Variants in ZNF33B observed in about 807,000 individuals in gnomAD.
ZNF33B encodes the protein zinc finger protein 33B, also known as zinc finger protein 11b (KOX 2).
A neutral mutation model predicts 45.8 loss-of-function variants in ZNF33B; 29 were observed. The observed-to-expected ratio is 0.63, with a 90% CI of 0.47 to 0.86. The LOEUF (loss-of-function observed/expected upper bound fraction) is 0.86, where lower values mean the gene tolerates loss of function less well. ZNF33B is among the 40% of genes least tolerant of loss of function. The pLI, the probability that ZNF33B is intolerant of heterozygous loss-of-function variation, is 0.00. For synonymous variants in ZNF33B, 305 were observed against 307.8 expected (o/e 0.99, Z 0.10); for missense variants, 831 against 909.9 (o/e 0.91, Z 1.12).
At chr10:42,638,312 C>G (rs1005598039) in intron 1 of ZNF33B, among the ~76,000 whole-genome samples, 162 bp downstream of exon 1, 14 of 152,276 alleles carry the variant, frequency 9.2e-5, no homozygotes, top group Non-Finnish European at 1.6e-4. Flanking sequence ...CTTAGAGGAA[C>G]TGGCGTAGCG....
chr10:42,631,198 T>A (rs986804883), intron 4 of ZNF33B, among the ~76,000 whole-genome samples: 8 of 152,154 alleles, frequency 5.3e-5, no homozygotes, highest in East Asian at 1.9e-4. Flanking sequence ...ATTTTGTTTT[T>A]TTTTTATATT....
chr10:42,617,724 C>T (rs1439656093), intron 4 of ZNF33B, among the ~76,000 whole-genome samples: 3 of 152,172 alleles, frequency 2.0e-5, no homozygotes, highest in Non-Finnish European at 2.9e-5. Flanking sequence ...GCCTTCCTAA[C>T]GCTGGCAACC....
chr10:42,601,128 G>A (rs1053937182), intron 4 of ZNF33B, among the ~76,000 whole-genome samples: 2 of 152,032 alleles, frequency 1.3e-5, no homozygotes, highest in African/African-American at 4.8e-5. Context: ...TATTTTCTCT[G>A]TTGCCTCATT....
At chr10:42,603,661 T>A (rs1439775822) in intron 4 of ZNF33B, among the ~76,000 whole-genome samples, 1 of 152,080 alleles carries the variant, frequency 6.6e-6, no homozygotes, top group African/African-American at 2.4e-5. Flanking sequence ...AAGAGCAAAC[T>A]AAGAGCAACA....
downstream of ZNF33B, among the ~76,000 whole-genome samples, chr10:42,588,776 A>T (rs1836988294): frequency 6.6e-6 from 1 of 152,134 alleles, no homozygotes; most frequent in African/African-American, 2.4e-5. Context: ...TAATTCCAAG[A>T]GCTGGTAGGG....
chr10:42,596,687 A>C (rs1409193902), intron 4 of ZNF33B, among the ~76,000 whole-genome samples: 1 of 152,130 alleles, frequency 6.6e-6, no homozygotes, highest in African/African-American at 2.4e-5. Flanking sequence ...CTGTAAAAAA[A>C]AATTTTTGAT....
chr10:42,590,015 T>A lies in ZNF33B; in HGVS notation c.*2598A>T, dbSNP rs903452987. 3 of 152,228 alleles carry A rather than the reference T, an allele frequency of 2.0e-5. No homozygotes were observed. The highest frequency in any genetic ancestry group is 2.9e-5 in the Non-Finnish European group (2 of 68,040). 9.4% of individuals were successfully genotyped at this position (152,228 alleles called of 1,614,324 possible). A position where few individuals can be genotyped will look rare whatever the true frequency, so the allele number is the denominator to read the frequency against. ...GTTTTATCATGAATGGATATTGGAT[T>A]TTGTCAAATGCTTTTTCTGTACCTA... is the stretch of plus-strand genomic sequence containing the variant. On this transcript the variant is annotated 3_prime_UTR_variant, in exon 5 of 5. Coordinates refer to ENST00000359467, the MANE Select transcript of ZNF33B (RefSeq NM_006955.3).
intron 4 of ZNF33B, among the ~76,000 whole-genome samples, chr10:42,630,368 C>T (rs1208359602): frequency 2.0e-5 from 3 of 152,144 alleles, no homozygotes. Context: ...TGTGTTGTTT[C>T]TCTCTGGCTA....
chr10:42,605,560 G>A (rs1422099939), intron 4 of ZNF33B, among the ~76,000 whole-genome samples: 1 of 152,044 alleles, frequency 6.6e-6, no homozygotes, highest in East Asian at 1.9e-4. Context: ...AAAAACTTGA[G>A]AATCCATTGC....
At position 42,602,886 on chromosome 10, in the gene ZNF33B, T is replaced by C. The variant is rs34175903; in HGVS notation, c.251-8187A>G. On this transcript the variant is annotated intron_variant, in intron 4 of 4. Transcript: ENST00000359467. ...TGATTAGTACTTTGCTGAACATTCATGGAGGCCCCTTTACAGATCTCCAGG... is the reference window on the plus strand; with the variant it reads ...TGATTAGTACTTTGCTGAACATTCACGGAGGCCCCTTTACAGATCTCCAGG... Among the ~76,000 whole-genome samples the C allele has an allele frequency of 1.3e-3, 203 of 152,162 alleles. 1 individual carries two copies. Among genetic ancestry groups the C allele is most frequent in the Non-Finnish European group, 2.3e-3 (157 of 68,016 alleles).
intron 4 of ZNF33B, among the ~76,000 whole-genome samples, chr10:42,621,887 A>G (rs1230316713): frequency 6.6e-6 from 1 of 152,234 alleles, no homozygotes; most frequent in Non-Finnish European, 1.5e-5. Context: ...ATTGCAAAGG[A>G]AGACATAAAA....
At chr10:42,608,792 G>A (rs1316281124) in intron 4 of ZNF33B, among the ~76,000 whole-genome samples, 27 of 151,242 alleles carry the variant, frequency 1.8e-4, no homozygotes, top group South Asian at 8.3e-4. Context: ...AGATTATAGA[G>A]TAAAAATTAG....
chr10:42,625,038 T>TTATATATATATATATATATATATATATA, intron 4 of ZNF33B, among the ~76,000 whole-genome samples: 1 of 145,520 alleles, frequency 6.9e-6, no homozygotes, highest in Admixed American at 6.9e-5. Context: ...GTTTCATATT[T>TTATATATATATATATATATATATATATA]TATATATATA....
chr10:42,616,629 A>G (rs1277218706), intron 4 of ZNF33B, among the ~76,000 whole-genome samples: 1 of 152,202 alleles, frequency 6.6e-6, no homozygotes, highest in African/African-American at 2.4e-5. Flanking sequence ...CAAGAGATCC[A>G]GCATCTCTCA....
chr10:42,586,511 C>T (rs563233843), downstream of ZNF33B, among the ~76,000 whole-genome samples: 40 of 152,218 alleles, frequency 2.6e-4, no homozygotes, highest in Middle Eastern at 3.2e-3. Context: ...GTGGCACCAC[C>T]GTAGCTCACT....
At chr10:42,586,677 C>G (rs1836942984), downstream of ZNF33B, among the ~76,000 whole-genome samples, 1 of 152,248 alleles carries the variant, frequency 6.6e-6, no homozygotes, top group South Asian at 2.1e-4. Context: ...TGAAAATAAT[C>G]TGACAAATGT....
chr10:42,607,640 A>C (rs1425896134), intron 4 of ZNF33B, among the ~76,000 whole-genome samples: 2 of 152,206 alleles, frequency 1.3e-5, no homozygotes, highest in African/African-American at 4.8e-5. Flanking sequence ...ATCCAACTAC[A>C]GATGCTCCTT....
Position 42,591,199 on chromosome 10 carries a change from A to G in ZNF33B, c.*1414T>C. The stretch of plus-strand genomic sequence containing the variant: ...TCTGGGTACAATGAGCAATGAAATG[A>G]CAGTCCAACAGCCCTGGGCAGCAAC... On this transcript the variant is annotated 3_prime_UTR_variant, in exon 5 of 5. Transcript: ENST00000359467. 1 of 765,684 alleles carries G rather than the reference A, an allele frequency of 1.3e-6. No individual in the cohort carries two copies. The highest frequency in any genetic ancestry group is 1.9e-5 in the African/African-American group (1 of 52,484). The allele number at this position is 765,684 out of a possible 1,614,324, so 47.4% of individuals were successfully genotyped here.
chr10:42,602,226 C>T (rs1295935899), intron 4 of ZNF33B, among the ~76,000 whole-genome samples: 4 of 151,852 alleles, frequency 2.6e-5, no homozygotes, highest in Admixed American at 2.0e-4. Context: ...CAATGACTGG[C>T]CATGTATTTT....
Sources: gnomAD v4.1 joint callset for allele counts (sites outside exome capture counted in the v4.1 genomes callset) on GRCh38, gnomAD v4.1.1 for gene constraint, MANE v1.5 for transcripts, NCBI Gene and HGNC (gene_info 2026-07-23, HGNC 2026-07-21) for gene names.